The following LSM14B variants were observed in gnomAD, a reference collection of about 807,000 sequenced individuals.
LSM14B encodes protein LSM14 homolog B.
LSM14B carries 8 observed loss-of-function variants against 42.1 expected under a neutral mutation model. The observed-to-expected ratio is 0.19, with a 90% CI of 0.11 to 0.34. LSM14B has a LOEUF of 0.34. Among genes scored for constraint, LSM14B ranks in the 10% least tolerant of loss-of-function variants. The probability of loss-of-function intolerance (pLI) is 1.00; values close to 1 mark genes in which losing one functional copy is unlikely to be tolerated. For missense variants in LSM14B, 396 were observed against 513.1 expected, an observed-to-expected ratio of 0.77 and a Z score of 2.21; for synonymous variants, 219 against 209.7, an observed-to-expected ratio of 1.04 and a Z score of -0.38.
chr20:62,127,437 C>G, intron 3 of LSM14B: 1 of 633,558 alleles, frequency 1.6e-6, no homozygotes, highest in Non-Finnish European at 2.8e-6. Flanking sequence ...CTTCCCAGCC[C>G]AGCTCTCTGG....
intron 1 of LSM14B, 71 bp from the exon 2 acceptor site, chr20:62,124,546 G>T: frequency 1.3e-6 from 2 of 1,529,212 alleles, no homozygotes. Context: ...GGAAGGCTTG[G>T]GAGCAGTGGT....
At position 62,130,349 on chromosome 20, in the gene LSM14B, T is replaced by C. The variant is rs1166889283; in HGVS notation, c.673+53T>C. 5.8e-6 allele frequency: 9 copies of C among 1,553,230 alleles called. No individual in the cohort carries two copies. In the Admixed American group the frequency reaches 9.7e-5, roughly 17 times the overall value. On this transcript the variant is annotated intron_variant, in intron 5 of 8. Transcript: ENST00000279068. This position sits in a 1 kb window ranked among gnomAD's most constrained non-coding sequence, Gnocchi z 4.1. ...GGGACCACGAGTGATCAGGCTGAGC[T>C]CTGCTTGCCCTCCTGCCTGCTTCTC... is the stretch of plus-strand genomic sequence containing the variant.
At chr20:62,134,016 G>A in intron 8 of LSM14B, 147 bp from the exon 9 acceptor site, 1 of 350,924 alleles carries the variant, frequency 2.8e-6, no homozygotes, top group Non-Finnish European at 5.6e-6. Context: ...TGTACAAGTA[G>A]GATTCTCAGA....
chr20:62,125,298 C>T (rs1341924267), intron 2 of LSM14B, among the ~76,000 whole-genome samples: 1 of 152,200 alleles, frequency 6.6e-6, no homozygotes, highest in Non-Finnish European at 1.5e-5. Flanking sequence ...TCACGTGGCT[C>T]TTAAGGAAGG....
intron 2 of LSM14B, among the ~76,000 whole-genome samples, 172 bp downstream of exon 2, chr20:62,124,952 C>G (rs1373452867): frequency 6.6e-6 from 1 of 151,838 alleles, no homozygotes; most frequent in South Asian, 2.1e-4. Flanking sequence ...GTGATCTCAG[C>G]TCATTGCAAC....
intron 3 of LSM14B, chr20:62,127,610 A>G: frequency 6.4e-7 from 1 of 1,551,154 alleles, no homozygotes; most frequent in Non-Finnish European, 8.7e-7. Context: ...CTCCAGCCTC[A>G]GCCGCTGCTT....
intron 3 of LSM14B, 118 bp from the exon 4 acceptor site, chr20:62,129,666 AC>A (rs2056706113): frequency 9.0e-7 from 1 of 1,108,524 alleles, no homozygotes; most frequent in African/African-American, 1.6e-5. Context: ...ATTTGATAGA[AC>A]ATCTAGGCAG....
At chr20:62,127,979 GT>G in intron 3 of LSM14B, 1 of 622,146 alleles carries the variant, frequency 1.6e-6, no homozygotes, top group South Asian at 1.9e-5. Context: ...AAACTTCACT[GT>G]TCACAGAAAG....
intron 3 of LSM14B, 107 bp downstream of exon 3, chr20:62,126,546 G>A (rs531911940): frequency 2.8e-6 from 4 of 1,419,706 alleles, no homozygotes; most frequent in African/African-American, 2.8e-5. Context: ...TGCTCAGCTT[G>A]TAGACTGTTT....
At chr20:62,126,695 G>A (rs962595136) in intron 3 of LSM14B, among the ~76,000 whole-genome samples, 5 of 152,202 alleles carry the variant, frequency 3.3e-5, no homozygotes, top group African/African-American at 1.2e-4. Flanking sequence ...AAGAGTCAGG[G>A]CGGATCTAGG....
intron 3 of LSM14B, chr20:62,128,795 AT>A: frequency 2.1e-6 from 1 of 467,030 alleles, no homozygotes; most frequent in South Asian, 2.1e-5. Context: ...GCTTCTCTTG[AT>A]CTGGTTACAA....
At chr20:62,132,486 G>A (rs1172462598) in intron 7 of LSM14B, among the ~76,000 whole-genome samples, 2 of 152,232 alleles carry the variant, frequency 1.3e-5, no homozygotes. Flanking sequence ...GGCCAGTGCT[G>A]CAGCACAGGT....
chr20:62,130,570 T>G lies in LSM14B; in HGVS notation c.714T>G (p.Arg238=), dbSNP rs2056738364. The G allele has an allele frequency of 6.2e-7, 1 of 1,613,810 alleles. No homozygotes were observed. The highest frequency in any genetic ancestry group is 8.5e-7 in the Non-Finnish European group (1 of 1,179,876). ...RTRNRSRGQN[R]PTNVKENTIK... ...GGAATCGCTCCAGAGGGCAAAACCG[T>G]CCAACTAACGTTAAGGAAAACACAA... The change falls in exon 6 of 9, where the codon CGT becomes CGG. Residue 238 remains arginine (R), a synonymous_variant. Transcript: ENST00000279068. The surrounding 1 kb of genome is among the most constrained non-coding windows in gnomAD (Gnocchi z 4.1).
intron 2 of LSM14B, 115 bp downstream of exon 2, chr20:62,124,895 T>TC (rs1328121510): frequency 2.1e-4 from 246 of 1,182,392 alleles, no homozygotes; most frequent in Middle Eastern, 1.8e-3. Flanking sequence ...TTTTTTTTTT[T>TC]CTTTGAGGCA....
Position 62,124,712 on chromosome 20 carries a change from A to G in LSM14B, c.223A>G (p.Lys75Glu). 5 of 1,613,862 alleles carry G rather than the reference A, an allele frequency of 3.1e-6. No homozygotes were observed. The South Asian group carries it at 4.4e-5, about 14-fold the overall frequency. ...CATCATTTTCCGAGGAAGTGACATC[A>G]AGGATATCACTGTGTGTGAACCTCC... ...EYIIFRGSDI[K>E]DITVCEPPKA... The change falls in exon 2 of 9, where the codon AAG becomes GAG. Residue 75 changes from lysine to glutamate, a missense_variant. Physicochemically the swap from Lys to Glu is moderately conservative, Grantham distance 56 (BLOSUM62 1). This residue lies in a region of LSM14B where 274 missense variants were observed against 335.8 expected (regional missense o/e 0.82). Transcript: ENST00000279068.
intron 7 of LSM14B, among the ~76,000 whole-genome samples, 161 bp downstream of exon 7, chr20:62,131,667 T>A (rs1281860522): frequency 6.6e-6 from 1 of 152,106 alleles, no homozygotes; most frequent in Non-Finnish European, 1.5e-5. Context: ...TCCCAGCAGG[T>A]TGCGTGTGGG....
Position 62,130,376 on chromosome 20 carries a change from GGT to G in LSM14B, c.673+81_673+82del. The G allele has an allele frequency of 6.5e-7, 1 of 1,537,860 alleles. No individual in the cohort carries two copies. Among genetic ancestry groups the G allele is most frequent in the South Asian group, 1.2e-5 (1 of 83,834 alleles). On this transcript the variant is annotated intron_variant, in intron 5 of 8. Coordinates refer to ENST00000279068, the MANE Select transcript of LSM14B (RefSeq NM_144703.3). The surrounding 1 kb of genome is among the most constrained non-coding windows in gnomAD (Gnocchi z 4.1). ...TGCTTGCCCTCCTGCCTGCTTCTCTGGTTGACGGTTTCAGGGGTGCTGGTGTG... is the reference window on the plus strand; with the variant it reads ...TGCTTGCCCTCCTGCCTGCTTCTCTGTGACGGTTTCAGGGGTGCTGGTGTG...
intron 3 of LSM14B, chr20:62,127,547 T>C: frequency 7.1e-7 from 1 of 1,400,812 alleles, no homozygotes; most frequent in Non-Finnish European, 9.9e-7. Context: ...CTTATTTGTG[T>C]GCTTTCTTTT....
intron 3 of LSM14B, chr20:62,127,764 G>A: frequency 1.8e-6 from 2 of 1,139,678 alleles, no homozygotes; most frequent in Non-Finnish European, 1.3e-6. Context: ...GAGGGGTAAA[G>A]CAGCAGACAG....
Sources: allele counts gnomAD v4.1 joint callset (sites outside exome capture counted in the v4.1 genomes callset), GRCh38; gene constraint gnomAD v4.1.1; regional missense constraint gnomAD v4.1.1; non-coding constraint Gnocchi (gnomAD v3.1); transcripts MANE v1.5; gene names NCBI Gene and HGNC (gene_info 2026-07-23, HGNC 2026-07-21).